The following ARHGAP27 variants were observed in gnomAD, a reference collection of about 807,000 sequenced individuals.
The protein encoded by ARHGAP27 is Rho GTPase activating protein 27.
In ARHGAP27, 53 loss-of-function variants were observed where a neutral mutation model predicts 102.0. The observed-to-expected ratio is 0.52, with a 90% CI of 0.42 to 0.65. The LOEUF (loss-of-function observed/expected upper bound fraction) is 0.65, where lower values mean the gene tolerates loss of function less well. Among genes scored for constraint, ARHGAP27 ranks in the 30% least tolerant of loss-of-function variants. The pLI is 0.00. For missense variants in ARHGAP27, 1,117 were observed against 1,256.2 expected (o/e 0.89, Z 1.68); for synonymous variants, 525 against 542.8 (o/e 0.97, Z 0.46).
In ARHGAP27 at chr17:45,430,782, G is replaced by C. The variant is rs1382146495; in HGVS notation, c.-18-485C>G. Among the ~76,000 whole-genome samples the C allele has an allele frequency of 1.3e-5, 2 of 152,114 alleles. No individual in the cohort carries two copies. The highest frequency in any genetic ancestry group is 1.3e-4 in the Admixed American group (2 of 15,276). On this transcript the variant is annotated intron_variant, in intron 3 of 19. Transcript: ENST00000685559. The surrounding 1 kb of genome is among the most constrained non-coding windows in gnomAD (Gnocchi z 4.4). ...CCGCAGAGAATCAGCAGAGGGTCTC[G>C]TAGCACTGCCTCCCTCCAGCAGCTT...
intron 4 of ARHGAP27, chr17:45,410,548 T>C: frequency 1.3e-6 from 1 of 755,540 alleles, no homozygotes; most frequent in Non-Finnish European, 1.9e-6. Flanking sequence ...AGTGCTCTAA[T>C]GACCAGTGAG....
At position 45,429,869 on chromosome 17, in the gene ARHGAP27, G is replaced by C. The variant is rs924139411; in HGVS notation, c.411C>G (p.Pro137=). The change falls in exon 4 of 20, where the codon CCC becomes CCG. Residue 137 remains proline, a synonymous_variant. Coordinates refer to ENST00000685559, the MANE Select transcript of ARHGAP27 (RefSeq NM_001282290.2). ...GCAGGTACAGGCAGGCTGGCAGGCC[G>C]GGCGCCAGGCTGCTGCGCTGGGTCG... ...GAATQRSSLA[P]GLPACLYLRP... The C allele has an allele frequency of 1.8e-5, 23 of 1,313,252 alleles. No individual in the cohort carries two copies. The African/African-American group carries it at 3.2e-4, about 18-fold the overall frequency. The allele number at this position is 1,313,252 out of a possible 1,614,324, so 81.3% of individuals were successfully genotyped here.
At chr17:45,403,799 A>G in intron 10 of ARHGAP27, 90 bp from the exon 11 acceptor site, 1 of 1,197,104 alleles carries the variant, frequency 8.4e-7, no homozygotes, top group Non-Finnish European at 1.2e-6. Context: ...GTCAGAGCTT[A>G]GGAACACAGG....
chr17:45,395,348 C>T lies in ARHGAP27; in HGVS notation c.*108G>A. The T allele has an allele frequency of 2.9e-6, 4 of 1,356,904 alleles. No homozygotes were observed. Among genetic ancestry groups the T allele is most frequent in the Non-Finnish European group, 3.9e-6 (4 of 1,013,234 alleles). The allele number at this position is 1,356,904 out of a possible 1,614,324, so 84.1% of individuals were successfully genotyped here. ...GTGCAGAAGTCACACCGGCCTGCGG[C>T]TATGCGCTGGCGGAGGGTCCCAGAG... is the stretch of plus-strand genomic sequence containing the variant. On this transcript the variant is annotated 3_prime_UTR_variant, in exon 20 of 20. Transcript: ENST00000685559.
chr17:45,408,274 AG>A (rs1344571526), intron 4 of ARHGAP27: 1 of 152,268 alleles, frequency 6.6e-6, no homozygotes, highest in Non-Finnish European at 1.5e-5. Context: ...CGGGGAATAC[AG>A]CAGGGAAGAA....
intron 4 of ARHGAP27, among the ~76,000 whole-genome samples, chr17:45,426,514 G>T (rs2049612894): frequency 2.0e-5 from 3 of 152,118 alleles, no homozygotes; most frequent in Admixed American, 6.5e-5. Flanking sequence ...GCCCTGTCTG[G>T]TAGCCTGCCC....
intron 4 of ARHGAP27, among the ~76,000 whole-genome samples, chr17:45,419,370 A>G (rs993700930): frequency 3.3e-5 from 5 of 152,052 alleles, no homozygotes; most frequent in African/African-American, 1.2e-4. Flanking sequence ...TGCTGTATGT[A>G]TATACCTATA....
intron 4 of ARHGAP27, among the ~76,000 whole-genome samples, chr17:45,416,923 G>A (rs1164146494): frequency 6.6e-6 from 1 of 150,786 alleles, no homozygotes; most frequent in Non-Finnish European, 1.5e-5. Flanking sequence ...GGGAGGCTGG[G>A]GCAGGCGGAT....
At position 45,405,937 on chromosome 17, in the gene ARHGAP27, TG is replaced by T; in HGVS notation, c.803del (p.Pro268GlnfsTer32). 1 of 1,535,698 alleles carries T rather than the reference TG, an allele frequency of 6.5e-7. No individual in the cohort carries two copies. The highest frequency in any genetic ancestry group is 8.7e-7 in the Non-Finnish European group (1 of 1,146,764). Reference protein sequence around the residue: ...AGTGRPYYYNPDTGVTTWESP... With the variant: ...AGTGRPYYYNXDTGVTTWESP... ...ACTCCCAGGTGGTAACTCCCGTGTC[TG>T]GGTTGTAGTAGTAGGGGCGCCCGGT... On this transcript the variant is annotated frameshift_variant, in exon 5 of 20. Transcript: ENST00000685559. LOFTEE classifies it high-confidence loss of function.
At chr17:45,420,693 G>C (rs969468340) in intron 4 of ARHGAP27, among the ~76,000 whole-genome samples, 2 of 152,068 alleles carry the variant, frequency 1.3e-5, no homozygotes, top group African/African-American at 4.8e-5. Flanking sequence ...AGTGGCTCAC[G>C]CCTGTAATCC....
chr17:45,417,991 C>T (rs1367941778), intron 4 of ARHGAP27, among the ~76,000 whole-genome samples: 2 of 143,496 alleles, frequency 1.4e-5, no homozygotes, highest in African/African-American at 2.6e-5. Flanking sequence ...GAGCGGAGAT[C>T]GTGCCACTGC....
intron 4 of ARHGAP27, among the ~76,000 whole-genome samples, chr17:45,426,436 T>C (rs2049604623): frequency 6.6e-6 from 1 of 151,878 alleles, no homozygotes; most frequent in Non-Finnish European, 1.5e-5. Flanking sequence ...GCGATTAGAG[T>C]GCATGGGGAG....
chr17:45,411,212 G>A (rs1036944307), intron 4 of ARHGAP27, among the ~76,000 whole-genome samples: 3 of 151,876 alleles, frequency 2.0e-5, no homozygotes, highest in African/African-American at 7.3e-5. Context: ...CCCCAGCCAC[G>A]CACAGTGGAC....
intron 12 of ARHGAP27, among the ~76,000 whole-genome samples, chr17:45,400,410 C>T (rs1229038561): frequency 6.6e-6 from 1 of 152,182 alleles, no homozygotes; most frequent in African/African-American, 2.4e-5. Flanking sequence ...AGCAGTCAAC[C>T]AGGAGGCAGG....
intron 4 of ARHGAP27, among the ~76,000 whole-genome samples, chr17:45,418,833 GAGGAGGGCCAAAC>G (rs1179493600): frequency 6.6e-6 from 1 of 152,152 alleles, no homozygotes; most frequent in Non-Finnish European, 1.5e-5. Flanking sequence ...CCCAGGAGCT[GAGGAGGGCCAAAC>G]AGGTGGGCCA....
chr17:45,423,399 GA>G (rs2049237660), intron 4 of ARHGAP27, among the ~76,000 whole-genome samples: 1 of 151,922 alleles, frequency 6.6e-6, no homozygotes, highest in South Asian at 2.1e-4. Context: ...CCATTGATGA[GA>G]AAAAAAATCT....
At chr17:45,425,424 G>T in intron 4 of ARHGAP27, 1 of 343,668 alleles carries the variant, frequency 2.9e-6, no homozygotes, top group Non-Finnish European at 4.1e-6. Flanking sequence ...TGCCCTTGGA[G>T]TTTGTCCTAG....
Position 45,430,242 on chromosome 17 carries a change from A to G in ARHGAP27, c.38T>C (p.Val13Ala). The G allele has an allele frequency of 1.3e-6, 2 of 1,576,812 alleles. No individual in the cohort carries two copies. Among genetic ancestry groups the G allele is most frequent in the African/African-American group, 1.3e-5 (1 of 74,456 alleles). ...ADVVGDVYVL[V>A]EHPFEYTGKD... Reference sequence around the variant, plus strand: ...GCCGGTGTACTCGAAGGGGTGCTCCACCAGCACGTACACGTCCCCCACCAC... The same window carrying G: ...GCCGGTGTACTCGAAGGGGTGCTCCGCCAGCACGTACACGTCCCCCACCAC... Residue 13 changes from valine to alanine, a missense_variant, in exon 4 of 20, where the codon GTG (valine) becomes GCG (alanine). By Grantham distance (64) the Val-to-Ala change is moderately conservative (BLOSUM62 0). Coordinates refer to ENST00000685559, the MANE Select transcript of ARHGAP27 (RefSeq NM_001282290.2). This position sits in a 1 kb window ranked among gnomAD's most constrained non-coding sequence, Gnocchi z 4.4.
At position 45,404,512 on chromosome 17, in the gene ARHGAP27, G is replaced by C. The variant is rs766373687; in HGVS notation, c.1346C>G (p.Pro449Arg). ...CTGGCTGGATTTATGGATGCTTCGA[G>C]GGGCAGGGACAGGGACCTGGGGAGA... ...WELPQVPVPA[P>R]RSIHKSSQDG... Residue 449 changes from proline to arginine, a missense_variant, in exon 8 of 20, where the codon CCT becomes CGT. Pro to Arg is a moderately radical substitution (Grantham distance 103). Coordinates refer to ENST00000685559, the MANE Select transcript of ARHGAP27 (RefSeq NM_001282290.2). The C allele has an allele frequency of 7.4e-6, 12 of 1,613,502 alleles. No homozygotes were observed. In the South Asian group the frequency reaches 1.1e-4, roughly 15 times the overall value.
Sources: gnomAD v4.1 joint callset for allele counts (sites outside exome capture counted in the v4.1 genomes callset) on GRCh38, gnomAD v4.1.1 for gene constraint, Gnocchi (gnomAD v3.1) non-coding constraint, MANE v1.5 for transcripts, NCBI Gene and HGNC (gene_info 2026-07-23, HGNC 2026-07-21) for gene names.